MAP2: variants seen among roughly 807,000 people sequenced by gnomAD.
The protein encoded by MAP2 is microtubule-associated protein 2.
MAP2 carries 14 observed loss-of-function variants against 137.6 expected under a neutral mutation model. The observed-to-expected ratio is 0.10, with a 90% confidence interval of 0.07 to 0.16. MAP2 has a LOEUF of 0.16. MAP2 is among the 10% of genes least tolerant of loss of function. The pLI is 1.00. For synonymous variants in MAP2, 786 were observed against 782.3 expected, an observed-to-expected ratio of 1.00 and a Z score of -0.08; for missense variants, 2,088 against 2,191.5, an observed-to-expected ratio of 0.95 and a Z score of 0.94.
Position 209,515,121 on chromosome 2 carries a change from T to C in MAP2, c.-172+7480T>C, listed in dbSNP as rs908628197. On this transcript the variant is annotated intron_variant, in intron 2 of 15. Transcript: ENST00000682079. Reference sequence around the variant, plus strand: ...CTTACGGTTATCAACTTTGTGTTGCTTTACAGTCTTCATTTTCTTTCTTTC... The same window carrying C: ...CTTACGGTTATCAACTTTGTGTTGCCTTACAGTCTTCATTTTCTTTCTTTC... 5.3e-5 allele frequency among the ~76,000 whole-genome samples: 8 copies of C among 152,166 alleles called. 1 individual carries two copies. The highest frequency in any genetic ancestry group is 1.9e-4 in the African/African-American group (8 of 41,456).
intron 2 of MAP2, among the ~76,000 whole-genome samples, chr2:209,560,275 A>G (rs935874205): frequency 3.3e-5 from 5 of 152,220 alleles, no homozygotes; most frequent in Non-Finnish European, 7.3e-5. Context: ...AAAATGAAAC[A>G]TTTATGTGAA....
At chr2:209,581,511 C>T (rs1462057743) in intron 3 of MAP2, among the ~76,000 whole-genome samples, 1 of 152,086 alleles carries the variant, frequency 6.6e-6, no homozygotes, top group African/African-American at 2.4e-5. Context: ...GATTATTTCA[C>T]CTAGATATTG....
At chr2:209,465,400 A>T (rs943464956) in intron 1 of MAP2, among the ~76,000 whole-genome samples, 1 of 150,784 alleles carries the variant, frequency 6.6e-6, no homozygotes, top group Admixed American at 6.7e-5. Flanking sequence ...ACATTTTAAA[A>T]GGCAAAATAA....
chr2:209,489,149 G>C (rs192735510), intron 1 of MAP2, among the ~76,000 whole-genome samples: 2 of 152,226 alleles, frequency 1.3e-5, no homozygotes, highest in Non-Finnish European at 2.9e-5. Flanking sequence ...AGGCAAAGAG[G>C]GTCTGGAGTA....
intron 3 of MAP2, among the ~76,000 whole-genome samples, chr2:209,603,718 G>A (rs1559391708): frequency 6.6e-6 from 1 of 152,014 alleles, no homozygotes; most frequent in Non-Finnish European, 1.5e-5. Context: ...ATTTTTGACA[G>A]AATATCTCTC....
intron 13 of MAP2, among the ~76,000 whole-genome samples, chr2:209,724,016 G>A (rs974096564): frequency 1.3e-5 from 2 of 152,100 alleles, no homozygotes; most frequent in African/African-American, 2.4e-5. Context: ...TTCTCACGTT[G>A]TTTCTACTCC....
intron 2 of MAP2, among the ~76,000 whole-genome samples, chr2:209,526,588 T>G (rs1256249471): frequency 8.1e-6 from 1 of 124,004 alleles, no homozygotes; most frequent in Non-Finnish European, 1.6e-5. Flanking sequence ...TTTATAAATT[T>G]AAAAGAGCAA....
At chr2:209,612,861 T>C (rs563729106) in intron 3 of MAP2, among the ~76,000 whole-genome samples, 2 of 152,332 alleles carry the variant, frequency 1.3e-5, no homozygotes, top group Non-Finnish European at 2.9e-5. Context: ...TTCCTTTGGA[T>C]AGTTAAGGAT....
chr2:209,635,493 G>A (rs1233639812), intron 4 of MAP2, among the ~76,000 whole-genome samples: 5 of 151,972 alleles, frequency 3.3e-5, no homozygotes, highest in African/African-American at 9.7e-5. Context: ...ACAAATAACC[G>A]TATATAGTCC....
chr2:209,439,954 CATG>C (rs747680916), intron 1 of MAP2, among the ~76,000 whole-genome samples: 4 of 151,382 alleles, frequency 2.6e-5, no homozygotes, highest in Non-Finnish European at 4.4e-5. Context: ...TTTAAAAAAT[CATG>C]ATAAGTTACA....
chr2:209,692,130 G>A (rs1401879263), intron 7 of MAP2, among the ~76,000 whole-genome samples: 1 of 151,954 alleles, frequency 6.6e-6, no homozygotes, highest in African/African-American at 2.4e-5. Flanking sequence ...TCTGCCCATA[G>A]CCTACCAATT....
At chr2:209,679,656 C>T (rs1306071457) in intron 6 of MAP2, among the ~76,000 whole-genome samples, 1 of 151,834 alleles carries the variant, frequency 6.6e-6, no homozygotes, top group African/African-American at 2.4e-5. Flanking sequence ...TCTGCCCTCC[C>T]AGAATAATAA....
chr2:209,521,045 C>T lies in MAP2; in HGVS notation c.-172+13404C>T, dbSNP rs150778579. Among the ~76,000 whole-genome samples, 3 of 152,118 alleles carry T rather than the reference C, an allele frequency of 2.0e-5. No homozygotes were observed. In the East Asian group the frequency reaches 5.8e-4, roughly 29 times the overall value. ...ATCTCTCCTTTTGCCAATTTGCCCC[C>T]AAAGTATGGTTTAGAGCTTCTTATA... is the stretch of plus-strand genomic sequence containing the variant. On this transcript the variant is annotated intron_variant, in intron 2 of 15. Coordinates refer to ENST00000682079, the MANE Select transcript of MAP2 (RefSeq NM_001375505.1).
chr2:209,556,693 T>G (rs1578143064), intron 2 of MAP2, among the ~76,000 whole-genome samples: 1 of 140,014 alleles, frequency 7.1e-6, no homozygotes, highest in Non-Finnish European at 1.5e-5. Context: ...GATTACACAG[T>G]GAAAGAAACA....
chr2:209,523,699 C>T (rs2063602404), intron 2 of MAP2, among the ~76,000 whole-genome samples: 1 of 152,146 alleles, frequency 6.6e-6, no homozygotes, highest in East Asian at 1.9e-4. Flanking sequence ...CTATTCAGCT[C>T]CATTTGGCTT....
rs1446356410 is a variant in MAP2 at position 209,692,966 on chromosome 2, T to A, written c.796T>A (p.Phe266Ile). 1.2e-6 allele frequency: 2 copies of A among 1,613,998 alleles called. No homozygotes were observed. The highest frequency in any genetic ancestry group is 3.3e-5 in the Admixed American group (2 of 59,988). Residue 266 changes from phenylalanine (F) to isoleucine (I), a missense_variant, in exon 8 of 16, where the codon TTC becomes ATC. Physicochemically the swap from Phe to Ile is conservative, Grantham distance 21. Around this residue, in one of 6 missense-constraint regions of MAP2, gnomAD observed 859 missense variants for 794.5 expected, o/e 1.08. Transcript: ENST00000682079. ...PPTPKEQKDW[F>I]IEMPTEAKKD... ...AACTCCAAAAGAACAAAAGGACTGGTTCATCGAAATGCCAACGGAAGCAAA... is the reference window on the plus strand; with the variant it reads ...AACTCCAAAAGAACAAAAGGACTGGATCATCGAAATGCCAACGGAAGCAAA...
intron 2 of MAP2, among the ~76,000 whole-genome samples, chr2:209,534,377 A>G (rs2065637996): frequency 1.3e-5 from 2 of 152,050 alleles, no homozygotes; most frequent in Admixed American, 6.5e-5. Flanking sequence ...TGATTGTCTC[A>G]TTCTAGTTCT....
intron 7 of MAP2, among the ~76,000 whole-genome samples, chr2:209,686,195 A>G (rs781344467): frequency 1.3e-5 from 2 of 152,202 alleles, no homozygotes; most frequent in Non-Finnish European, 2.9e-5. Flanking sequence ...AAGAATATCA[A>G]ACGTTATTTT....
Position 209,488,239 on chromosome 2 carries a change from G to A in MAP2, c.-221-19353G>A, listed in dbSNP as rs140798745. Among the ~76,000 whole-genome samples the A allele has an allele frequency of 3.9e-5, 6 of 152,270 alleles. No homozygotes were observed. The East Asian group carries it at 7.8e-4, about 20-fold the overall frequency. ...CCTGAGGGACTGTGCCGTGAGAGAC[G>A]GAGCTATCTGGCCCACATACTACGC... On this transcript the variant is annotated intron_variant, in intron 1 of 15. Transcript: ENST00000682079.
Sources: gnomAD v4.1 joint callset for allele counts (sites outside exome capture counted in the v4.1 genomes callset) on GRCh38, gnomAD v4.1.1 for gene constraint, gnomAD v4.1.1 regional missense constraint, MANE v1.5 for transcripts, NCBI Gene and HGNC (gene_info 2026-07-23, HGNC 2026-07-21) for gene names.